The following ACCSL variants were observed in gnomAD, a reference collection of about 807,000 sequenced individuals.
The protein encoded by ACCSL is probable inactive 1-aminocyclopropane-1-carboxylate synthase-like protein 2.
Under a neutral mutation model 61.7 loss-of-function variants are expected in ACCSL, and 55 were observed. The observed-to-expected ratio is 0.89, with a 90% CI of 0.72 to 1.12. The LOEUF (loss-of-function observed/expected upper bound fraction) is 1.12, where lower values mean the gene tolerates loss of function less well. Among genes scored for constraint, ACCSL ranks in the 50% most tolerant of loss-of-function variants. The pLI is 0.00. For missense variants in ACCSL, 632 were observed against 698.0 expected, an observed-to-expected ratio of 0.91 and a Z score of 1.07; for synonymous variants, 258 against 264.3, an observed-to-expected ratio of 0.98 and a Z score of 0.23.
At chr11:44,002,612 G>A in the ACCSL span, among the ~76,000 whole-genome samples, 2 of 152,174 alleles carry the variant, frequency 1.3e-5, no homozygotes, top group Admixed American at 6.5e-5. Flanking sequence ...TAGCTGGGGA[G>A]ATACCAGCTT....
the ACCSL span, among the ~76,000 whole-genome samples, chr11:44,018,171 G>C: frequency 2.0e-5 from 3 of 152,048 alleles, no homozygotes; most frequent in Non-Finnish European, 2.9e-5. Context: ...ACAGTGGATA[G>C]ACCCCTTGGC....
At chr11:44,016,280 G>A in the ACCSL span, among the ~76,000 whole-genome samples, 3 of 152,140 alleles carry the variant, frequency 2.0e-5, no homozygotes, top group African/African-American at 4.8e-5. Context: ...CCAGGTTGCC[G>A]GGTGGTGGCT....
At chr11:44,033,002 T>G in the ACCSL span, among the ~76,000 whole-genome samples, 8 of 152,208 alleles carry the variant, frequency 5.3e-5, no homozygotes, top group Non-Finnish European at 1.2e-4. Context: ...AAATGTTTCT[T>G]GTATCAGCCT....
At chr11:44,008,860 A>G in the ACCSL span, among the ~76,000 whole-genome samples, 13 of 152,224 alleles carry the variant, frequency 8.5e-5, no homozygotes, top group Non-Finnish European at 1.9e-4. Flanking sequence ...CTGTTTACAG[A>G]TAAGAAAACT....
At chr11:43,993,158 C>T in the ACCSL span, among the ~76,000 whole-genome samples, 1 of 152,190 alleles carries the variant, frequency 6.6e-6, no homozygotes, top group Non-Finnish European at 1.5e-5. Context: ...GTCTGGCTGT[C>T]CCCACTCCCC....
chr11:43,922,645 C>T, the ACCSL span, among the ~76,000 whole-genome samples: 3 of 152,210 alleles, frequency 2.0e-5, no homozygotes, highest in Non-Finnish European at 4.4e-5. Flanking sequence ...AGCCAACTTT[C>T]CTTGATTTTC....
At chr11:43,938,836 C>T in the ACCSL span, among the ~76,000 whole-genome samples, 105,149 of 152,056 alleles carry the variant, frequency 0.69, 36,695 homozygotes, top group Admixed American at 0.76. Flanking sequence ...AAAATGAAGG[C>T]TATCCTAAGG....
At chr11:43,933,375 G>T in the ACCSL span, 1 of 334,110 alleles carries the variant, frequency 3.0e-6, no homozygotes, top group Non-Finnish European at 6.0e-6. Flanking sequence ...GTAAAGTCCA[G>T]GATGGGGTCC....
chr11:43,970,407 G>T, the ACCSL span, among the ~76,000 whole-genome samples: 1 of 152,028 alleles, frequency 6.6e-6, no homozygotes. Flanking sequence ...TTTCACCATG[G>T]TGCTCAGGTT....
At chr11:43,937,902 C>T in the ACCSL span, among the ~76,000 whole-genome samples, 2 of 152,146 alleles carry the variant, frequency 1.3e-5, no homozygotes, top group Non-Finnish European at 2.9e-5. Context: ...TTTAGGGACT[C>T]GGACTAATGA....
chr11:44,039,777 G>C, the ACCSL span, among the ~76,000 whole-genome samples: 10 of 152,228 alleles, frequency 6.6e-5, no homozygotes, highest in Non-Finnish European at 1.5e-4. Context: ...TTGCAAAGAG[G>C]CACAAGGCAG....
chr11:43,978,430 A>C, the ACCSL span, among the ~76,000 whole-genome samples: 163 of 152,322 alleles, frequency 1.1e-3, no homozygotes, highest in South Asian at 3.5e-3. Context: ...AATTTCATAG[A>C]GATTGCTACA....
chr11:43,941,963 G>T, the ACCSL span, among the ~76,000 whole-genome samples: 1 of 151,936 alleles, frequency 6.6e-6, no homozygotes. Flanking sequence ...GGAGTGAGGA[G>T]ACAAACATAA....
the ACCSL span, among the ~76,000 whole-genome samples, chr11:44,009,445 A>G: frequency 6.6e-6 from 1 of 152,186 alleles, no homozygotes; most frequent in Non-Finnish European, 1.5e-5. Context: ...CTGAAACAAA[A>G]CTGGGGAGAA....
chr11:44,058,182 T>C lies in ACCSL; in HGVS notation c.1328-135T>C. On this transcript the variant is annotated intron_variant, in intron 11 of 13. Transcript: ENST00000378832. ...AGGGAAACTCTGGTTTTTTTGTTTTTTTTAAAAACAGACAAACAAAACAAA... is the reference window on the plus strand; with the variant it reads ...AGGGAAACTCTGGTTTTTTTGTTTTCTTTAAAAACAGACAAACAAAACAAA... The C allele has an allele frequency of 3.4e-6, 4 of 1,166,438 alleles. No individual in the cohort carries two copies. The South Asian group carries it at 6.4e-5, about 19-fold the overall frequency. 72.3% of individuals were successfully genotyped at this position (1,166,438 alleles called of 1,614,324 possible). A position where few individuals can be genotyped will look rare whatever the true frequency, so the allele number is the denominator to read the frequency against.
chr11:43,939,131 T>A, the ACCSL span, among the ~76,000 whole-genome samples: 1 of 152,254 alleles, frequency 6.6e-6, no homozygotes, highest in Admixed American at 6.5e-5. Context: ...AGCCAACACA[T>A]GCAAATGGCT....
At chr11:44,007,784 C>T in the ACCSL span, among the ~76,000 whole-genome samples, 1 of 152,118 alleles carries the variant, frequency 6.6e-6, no homozygotes, top group Non-Finnish European at 1.5e-5. Flanking sequence ...TTACATGAGA[C>T]AACGGAAGGA....
chr11:43,934,998 A>G, the ACCSL span, among the ~76,000 whole-genome samples: 1 of 151,648 alleles, frequency 6.6e-6, no homozygotes, highest in South Asian at 2.1e-4. Flanking sequence ...CCATCTCCCC[A>G]CCCCATCTGC....
chr11:44,059,271 A>G (rs1487934830), intron 13 of ACCSL, among the ~76,000 whole-genome samples: 3 of 152,116 alleles, frequency 2.0e-5, no homozygotes, highest in Non-Finnish European at 4.4e-5. Flanking sequence ...CAAAACCCGA[A>G]AAAAGTAGTA....
Sources: allele counts gnomAD v4.1 joint callset (sites outside exome capture counted in the v4.1 genomes callset), GRCh38; gene constraint gnomAD v4.1.1; transcripts MANE v1.5; gene names NCBI Gene and HGNC (gene_info 2026-07-23, HGNC 2026-07-21).